SSH2: variants seen among roughly 807,000 people sequenced by gnomAD.
The protein encoded by SSH2 is protein phosphatase Slingshot homolog 2.
SSH2 carries 37 observed loss-of-function variants against 135.2 expected under a neutral mutation model. That is an observed-to-expected ratio of 0.27 (90% CI 0.21 to 0.36). SSH2 has a LOEUF of 0.36. SSH2 is among the 10% of genes least tolerant of loss of function. SSH2 has a pLI of 1.00. For missense variants in SSH2, 1,408 were observed against 1,765.3 expected (o/e 0.80, Z 3.63); for synonymous variants, 628 against 646.2 (o/e 0.97, Z 0.43).
chr17:29,777,734 TG>T, intron 3 of SSH2: 1 of 177,778 alleles, frequency 5.6e-6, no homozygotes, highest in Non-Finnish European at 1.2e-5. Flanking sequence ...TAATGGACCT[TG>T]GAGACAGCCC....
chr17:29,631,953 A>G lies in SSH2; in HGVS notation c.3241T>C (p.Cys1081Arg), dbSNP rs780925913. The G allele has an allele frequency of 1.9e-6, 3 of 1,614,096 alleles. No individual in the cohort carries two copies. The highest frequency in any genetic ancestry group is 3.3e-5 in the Admixed American group (2 of 60,014). ...VNMEKSVTVL[C>R]TLDENLNRTL... is the part of the protein sequence containing the mutation. ...CTGTTTAGATTTTCATCCAGTGTGC[A>G]GAGCACAGTGACAGATTTTTCCATG... is the stretch of plus-strand genomic sequence containing the variant. The change falls in exon 16 of 16, where the codon TGC becomes CGC. Residue 1081 changes from cysteine to arginine, a missense_variant. Coordinates refer to ENST00000540801, the MANE Select transcript of SSH2 (RefSeq NM_001282129.2).
chr17:29,662,211 G>T (rs570260781), intron 11 of SSH2, among the ~76,000 whole-genome samples: 2 of 152,094 alleles, frequency 1.3e-5, no homozygotes, highest in Non-Finnish European at 2.9e-5. Flanking sequence ...CTGTACGCTG[G>T]CCCAAAGACC....
chr17:29,887,364 CAG>C (rs2066258146), intron 1 of SSH2, among the ~76,000 whole-genome samples: 1 of 152,100 alleles, frequency 6.6e-6, no homozygotes, highest in South Asian at 2.1e-4. Context: ...AAAAACAAAA[CAG>C]AGTACTTTAG....
Position 29,632,108 on chromosome 17 carries a change from G to A in SSH2, c.3086C>T (p.Pro1029Leu), listed in dbSNP as rs1193396538. Residue 1029 changes from proline to leucine, a missense_variant, in exon 16 of 16, where the codon CCT becomes CTT. Physicochemically the swap from Pro to Leu is moderately conservative, Grantham distance 98. Around this residue, in one of 3 missense-constraint regions of SSH2, gnomAD observed 1,080 missense variants for 1,144.5 expected, o/e 0.94. Transcript: ENST00000540801. ...TTCTACCCTCTTGGGAAGGGGAAGA[G>A]GGACTGCTTGTGTTTCAGACTCCTG... ...PYQESETQAV[P>L]LPLPKRVEII... The A allele has an allele frequency of 1.2e-6, 2 of 1,614,168 alleles. No homozygotes were observed. Among genetic ancestry groups the A allele is most frequent in the Non-Finnish European group, 1.7e-6 (2 of 1,180,032 alleles).
intron 1 of SSH2, among the ~76,000 whole-genome samples, chr17:29,850,515 T>A (rs1329720306): frequency 6.6e-6 from 1 of 152,210 alleles, no homozygotes; most frequent in Non-Finnish European, 1.5e-5. Context: ...TTAAAGAAAG[T>A]AAAGCTCAGA....
chr17:29,897,180 C>A (rs2066461450), intron 1 of SSH2, among the ~76,000 whole-genome samples: 1 of 151,954 alleles, frequency 6.6e-6, no homozygotes, highest in African/African-American at 2.4e-5. Context: ...CAAAAACATG[C>A]CAAATTGTAA....
chr17:29,923,619 C>CA (rs1006774135), intron 1 of SSH2, among the ~76,000 whole-genome samples: 459 of 121,714 alleles, frequency 3.8e-3, no homozygotes, highest in African/African-American at 5.2e-3. Flanking sequence ...GATCCTGCCT[C>CA]AAAAAAAAAA....
At chr17:29,803,165 A>G (rs918261667) in intron 2 of SSH2, among the ~76,000 whole-genome samples, 1 of 152,190 alleles carries the variant, frequency 6.6e-6, no homozygotes, top group Non-Finnish European at 1.5e-5. Flanking sequence ...TGGGTTATCT[A>G]TTGCTTTATA....
intron 5 of SSH2, among the ~76,000 whole-genome samples, chr17:29,693,298 AAATAAT>A (rs1040931039): frequency 4.9e-4 from 75 of 151,712 alleles, no homozygotes; most frequent in African/African-American, 1.8e-3. Context: ...GTTCCCTTTT[AAATAAT>A]AATAATAACA....
chr17:29,825,109 T>A (rs1342633513), intron 2 of SSH2, among the ~76,000 whole-genome samples: 2 of 152,222 alleles, frequency 1.3e-5, no homozygotes, highest in South Asian at 2.1e-4. Context: ...CCCAGTTACA[T>A]GAACCAACAA....
At position 29,632,615 on chromosome 17, in the gene SSH2, G is replaced by A. The variant is rs144282885; in HGVS notation, c.2579C>T (p.Ser860Leu). The stretch of plus-strand genomic sequence containing the variant: ...CCCTTCTTCCAAGTCTGCTATAGAT[G>A]AGTGTGTGGTTAGGCAGCCTTCTGG... ...CNPEGCLTTH[S>L]SIADLEEGEP... The change falls in exon 16 of 16, where the codon TCA becomes TTA. Residue 860 changes from serine to leucine, a missense_variant. Transcript: ENST00000540801. 1.9e-6 allele frequency: 3 copies of A among 1,614,064 alleles called. No individual in the cohort carries two copies. The highest frequency in any genetic ancestry group is 2.7e-5 in the African/African-American group (2 of 74,910).
intron 2 of SSH2, among the ~76,000 whole-genome samples, chr17:29,825,244 T>C (rs938921743): frequency 1.3e-5 from 2 of 152,190 alleles, no homozygotes; most frequent in Non-Finnish European, 2.9e-5. Context: ...AATGTTTATT[T>C]CCTTTTAGAG....
intron 4 of SSH2, among the ~76,000 whole-genome samples, chr17:29,697,394 G>A (rs1216294076): frequency 6.6e-6 from 1 of 152,050 alleles, no homozygotes; most frequent in African/African-American, 2.4e-5. Context: ...ATGAAATACT[G>A]TTATGTACAA....
chr17:29,872,151 T>A (rs2065948116), intron 1 of SSH2, among the ~76,000 whole-genome samples: 1 of 152,246 alleles, frequency 6.6e-6, no homozygotes, highest in African/African-American at 2.4e-5. Context: ...TCTTTTGTAT[T>A]ATGCACATGT....
At chr17:29,638,509 TACACACACACACACACACACACAC>T (rs71138839) in intron 14 of SSH2, among the ~76,000 whole-genome samples, 32 of 128,962 alleles carry the variant, frequency 2.5e-4, no homozygotes, top group African/African-American at 5.6e-4. Flanking sequence ...TTCTATATTT[TACACACACACACACACACACACAC>T]ACACACACAC....
intron 1 of SSH2, among the ~76,000 whole-genome samples, chr17:29,908,275 T>C (rs1276620759): frequency 1.3e-5 from 2 of 150,260 alleles, no homozygotes; most frequent in Non-Finnish European, 3.0e-5. Context: ...AACATAATGA[T>C]AACCCATCTC....
intron 2 of SSH2, among the ~76,000 whole-genome samples, chr17:29,796,584 C>T (rs1184987267): frequency 6.6e-6 from 1 of 152,076 alleles, no homozygotes; most frequent in African/African-American, 2.4e-5. Context: ...TCAGGTGATC[C>T]GCCCACCTCG....
chr17:29,788,288 CCTCA>C (rs1463378520), intron 3 of SSH2, among the ~76,000 whole-genome samples: 1 of 152,062 alleles, frequency 6.6e-6, no homozygotes, highest in Non-Finnish European at 1.5e-5. Flanking sequence ...TGTGGGTAGT[CCTCA>C]CTCAATCTAT....
intron 1 of SSH2, among the ~76,000 whole-genome samples, chr17:29,886,427 G>T (rs953026183): frequency 2.0e-5 from 3 of 152,032 alleles, no homozygotes; most frequent in African/African-American, 7.2e-5. Flanking sequence ...AAGTGGCAAA[G>T]TGTTCAAGAA....
Sources: allele counts gnomAD v4.1 joint callset (sites outside exome capture counted in the v4.1 genomes callset), GRCh38; gene constraint gnomAD v4.1.1; regional missense constraint gnomAD v4.1.1; transcripts MANE v1.5; gene names NCBI Gene and HGNC (gene_info 2026-07-23, HGNC 2026-07-21).